IL1A: variants seen among roughly 807,000 people sequenced by gnomAD.
The protein encoded by IL1A is interleukin-1 alpha.
A neutral mutation model predicts 22.2 loss-of-function variants in IL1A; 16 were observed. That is an observed-to-expected ratio of 0.72 (90% CI 0.49 to 1.09). IL1A has a LOEUF of 1.09. Among genes scored for constraint, IL1A ranks in the 50% least tolerant of loss-of-function variants. IL1A has a pLI of 0.00. For synonymous variants in IL1A, 113 were observed against 118.5 expected, an observed-to-expected ratio of 0.95 and a Z score of 0.30; for missense variants, 317 against 321.8, an observed-to-expected ratio of 0.99 and a Z score of 0.11.
chr2:112,777,963 A>G, intron 6 of IL1A, 24 bp downstream of exon 6: 1 of 1,613,240 alleles, frequency 6.2e-7, no homozygotes, highest in African/African-American at 1.3e-5. Flanking sequence ...AATGAAGGTA[A>G]GTTGGAGACA....
In IL1A at chr2:112,782,792, A is replaced by G. The variant is rs1558771268; in HGVS notation, c.48-28T>C. ...GTCAAAATAAGATGATGAGAATGTA[A>G]TTGTTGTTATTTCAGTGTGGTCTCT... On this transcript the variant is annotated intron_variant, in intron 2 of 6. Transcript: ENST00000263339. 3 of 1,552,708 alleles carry G rather than the reference A, an allele frequency of 1.9e-6. No homozygotes were observed. In the South Asian group the frequency reaches 3.3e-5, roughly 17 times the overall value.
chr2:112,780,291 T>C (rs942663422), intron 4 of IL1A, among the ~76,000 whole-genome samples: 1 of 152,242 alleles, frequency 6.6e-6, no homozygotes, highest in Non-Finnish European at 1.5e-5. Context: ...GTCTTGATGT[T>C]AGACATATTT....
rs555339050 is a variant in IL1A at position 112,775,787 on chromosome 2, A to C, written c.616-520T>G. Among the ~76,000 whole-genome samples, 11 of 152,250 alleles carry C rather than the reference A, an allele frequency of 7.2e-5. No homozygotes were observed. The East Asian group carries it at 1.9e-3, about 27-fold the overall frequency. On this transcript the variant is annotated intron_variant, in intron 6 of 6. Coordinates refer to ENST00000263339, the MANE Select transcript of IL1A (RefSeq NM_000575.5). Reference sequence around the variant, plus strand: ...ACATACACACACACACATACACACAAAATTCCTAAGTATATCAGTAAACTC... The same window carrying C: ...ACATACACACACACACATACACACACAATTCCTAAGTATATCAGTAAACTC...
At position 112,775,894 on chromosome 2, in the gene IL1A, A is replaced by G. The variant is rs544052446; in HGVS notation, c.616-627T>C. Among the ~76,000 whole-genome samples the G allele has an allele frequency of 1.3e-4, 20 of 152,350 alleles. No homozygotes were observed. In the South Asian group the frequency reaches 2.9e-3, roughly 22 times the overall value. On this transcript the variant is annotated intron_variant, in intron 6 of 6. Transcript: ENST00000263339. ...TACTTTTATGGAAAAATAGATTTCA[A>G]ATTCCAAGTTGAGATGCTTCTTTCC...
chr2:112,784,103 C>T (rs1293693486), intron 1 of IL1A, among the ~76,000 whole-genome samples: 23 of 152,338 alleles, frequency 1.5e-4, no homozygotes, highest in South Asian at 2.1e-4. Flanking sequence ...TTGCCTTACA[C>T]AGAGGTAAGA....
At chr2:112,778,193 GGT>G (rs3074430) in intron 5 of IL1A, 82 bp from the exon 6 acceptor site, 178,285 of 657,448 alleles carry the variant, frequency 0.27, 9,262 homozygotes, top group South Asian at 0.31. Flanking sequence ...GTGTGTGCAT[GGT>G]GTGTGTGTGT....
At position 112,775,168 on chromosome 2, in the gene IL1A, G is replaced by T; in HGVS notation, c.715C>A (p.His239Asn). The change falls in exon 7 of 7, where the codon CAT becomes AAT. Residue 239 changes from histidine to asparagine, a missense_variant. His to Asn is a moderately conservative substitution (Grantham distance 68). Coordinates refer to ENST00000263339, the MANE Select transcript of IL1A (RefSeq NM_000575.5). ...TTTGTGGCAATAAACAAGTTTGGATGGGCAACTGATGTGAAATAGTTCTTA... is the reference window on the plus strand; with the variant it reads ...TTTGTGGCAATAAACAAGTTTGGATTGGCAACTGATGTGAAATAGTTCTTA... ...GTKNYFTSVA[H>N]PNLFIATKQD... 2 of 1,614,116 alleles carry T rather than the reference G, an allele frequency of 1.2e-6. No individual in the cohort carries two copies. Among genetic ancestry groups the T allele is most frequent in the Middle Eastern group, 3.3e-4 (2 of 6,062 alleles).
chr2:112,782,378 C>T (rs1251928553), intron 3 of IL1A, among the ~76,000 whole-genome samples: 2 of 152,204 alleles, frequency 1.3e-5, no homozygotes, highest in East Asian at 3.9e-4. Context: ...TCAGAGAAGA[C>T]AACCACAACA....
In IL1A at chr2:112,781,799, G is replaced by A. The variant is rs1681210788; in HGVS notation, c.124C>T (p.Pro42Ser). The change falls in exon 4 of 7, where the codon CCA becomes TCA. Residue 42 changes from proline to serine, a missense_variant. Pro to Ser is a moderately conservative substitution (Grantham distance 74). Coordinates refer to ENST00000263339, the MANE Select transcript of IL1A (RefSeq NM_000575.5). ...QKSFYHVSYG[P>S]LHEGCMDQSV... Reference sequence around the variant, plus strand: ...TGATCCATGCAGCCTTCATGGAGTGGGCCATAGCTTACATGATAGAAGGAT... The same window carrying A: ...TGATCCATGCAGCCTTCATGGAGTGAGCCATAGCTTACATGATAGAAGGAT... 6.2e-7 allele frequency: 1 copy of A among 1,613,356 alleles called. No individual in the cohort carries two copies. Among genetic ancestry groups the A allele is most frequent in the Non-Finnish European group, 8.5e-7 (1 of 1,179,402 alleles).
Position 112,782,708 on chromosome 2 carries a change from T to C in IL1A, c.96+8A>G. The C allele has an allele frequency of 6.3e-7, 1 of 1,593,716 alleles. No homozygotes were observed. Among genetic ancestry groups the C allele is most frequent in the Non-Finnish European group, 8.6e-7 (1 of 1,161,656 alleles). On this transcript the variant is annotated splice_region_variant and intron_variant, in intron 3 of 6. Coordinates refer to ENST00000263339, the MANE Select transcript of IL1A (RefSeq NM_000575.5). ...GCAGTCCCATGAGAATTACAGTCAT[T>C]TGCTTACCTGATTCAGAGACAGATG...
intron 6 of IL1A, among the ~76,000 whole-genome samples, chr2:112,777,105 ATTTT>A (rs61245237): frequency 7.1e-6 from 1 of 139,988 alleles, no homozygotes. Context: ...CACCCTATTC[ATTTT>A]TTTTTTTTTT....
rs1337186442 is a variant in IL1A, at chr2:112,779,533, G to A, written c.453C>T (p.Tyr151=). 1.9e-6 allele frequency: 3 copies of A among 1,608,632 alleles called. No individual in the cohort carries two copies. The highest frequency in any genetic ancestry group is 2.2e-5 in the East Asian group (1 of 44,800). The change falls in exon 5 of 7, where the codon TAC becomes TAT. Residue 151 remains tyrosine, a synonymous_variant. Coordinates refer to ENST00000263339, the MANE Select transcript of IL1A (RefSeq NM_000575.5). ...NQSIIRANDQ[Y]LTAAALHNLD... ...GATTATGTAATGCAGCAGCCGTGAGGTACTGATCATTGGCTCGAATTATAC... is the reference window on the plus strand; with the variant it reads ...GATTATGTAATGCAGCAGCCGTGAGATACTGATCATTGGCTCGAATTATAC...
rs779488667 is a variant in IL1A, at chr2:112,781,623, G to A, written c.300C>T (p.Ile100=). 45 of 1,613,808 alleles carry A rather than the reference G, an allele frequency of 2.8e-5. No individual in the cohort carries two copies. The highest frequency in any genetic ancestry group is 2.2e-5 in the East Asian group (1 of 44,896). Residue 100 remains isoleucine, a synonymous_variant, in exon 4 of 7, where the codon ATC becomes ATT. Transcript: ENST00000263339. ...CCTTACCTTCCTCTGAGTCATTGGC[G>A]ATGGCCTCCAGGTCATCATCAGTGA... ...QSITDDDLEA[I]ANDSEEEIIK...
intron 4 of IL1A, among the ~76,000 whole-genome samples, chr2:112,780,837 G>A (rs1004558833): frequency 5.3e-5 from 8 of 152,020 alleles, no homozygotes; most frequent in Non-Finnish European, 7.4e-5. Context: ...TGGAGACCAC[G>A]GTGAAACTCC....
intron 1 of IL1A, among the ~76,000 whole-genome samples, chr2:112,784,163 T>C (rs1467301406): frequency 1.3e-5 from 2 of 152,206 alleles, no homozygotes. Context: ...TTTTGGATAG[T>C]AGAGATTCCC....
Position 112,781,715 on chromosome 2 carries a change from T to C in IL1A, c.208A>G (p.Ser70Gly), listed in dbSNP as rs749129355. Residue 70 changes from serine (S) to glycine (G), a missense_variant, in exon 4 of 7, where the codon AGC (serine) becomes GGC (glycine). By Grantham distance (56) the Ser-to-Gly change is moderately conservative. Coordinates refer to ENST00000263339, the MANE Select transcript of IL1A (RefSeq NM_000575.5). ...CCGTTGGTTGCTACTACCACCATGC[T>C]CTCCTTGAAGGTAAGCTTGGATGTT... is the stretch of plus-strand genomic sequence containing the variant. ...SKTSKLTFKE[S>G]MVVVATNGKV... 4 of 1,614,016 alleles carry C rather than the reference T, an allele frequency of 2.5e-6. No homozygotes were observed. The highest frequency in any genetic ancestry group is 1.7e-5 in the Admixed American group (1 of 60,006).
rs759697537 is a variant in IL1A, at chr2:112,781,667, A to G, written c.256T>C (p.Leu86=). Residue 86 remains leucine (L), a synonymous_variant, in exon 4 of 7, where the codon TTG becomes CTG. Coordinates refer to ENST00000263339, the MANE Select transcript of IL1A (RefSeq NM_000575.5). ...TCAGTGATGGATTGGCTTAAACTCA[A>G]CCGTCTCTTCTTCAGAACCTTCCCG... ...TNGKVLKKRR[L]SLSQSITDDD... 6 of 1,614,162 alleles carry G rather than the reference A, an allele frequency of 3.7e-6. No individual in the cohort carries two copies. Among genetic ancestry groups the G allele is most frequent in the South Asian group, 3.3e-5 (3 of 91,086 alleles).
chr2:112,779,363 C>G, intron 5 of IL1A, 133 bp downstream of exon 5: 1 of 639,984 alleles, frequency 1.6e-6, no homozygotes, highest in Non-Finnish European at 2.5e-6. Flanking sequence ...GTGCTTCAAG[C>G]TATTCTGGAA....
intron 5 of IL1A, among the ~76,000 whole-genome samples, chr2:112,778,842 A>G (rs1163989504): frequency 1.3e-5 from 2 of 152,242 alleles, no homozygotes; most frequent in Admixed American, 6.5e-5. Context: ...AGTTGAAAGC[A>G]TGTTAGCTGA....
Sources: gnomAD v4.1 joint callset for allele counts (sites outside exome capture counted in the v4.1 genomes callset) on GRCh38, gnomAD v4.1.1 for gene constraint, MANE v1.5 for transcripts, NCBI Gene and HGNC (gene_info 2026-07-23, HGNC 2026-07-21) for gene names.